NEGR1: variants seen among roughly 807,000 people sequenced by gnomAD.
NEGR1 encodes the protein neuronal growth regulator 1.
In NEGR1, 10 loss-of-function variants were observed where a neutral mutation model predicts 40.9. That is an observed-to-expected ratio of 0.24 (90% CI 0.15 to 0.42). NEGR1 has a LOEUF of 0.42. Ranked by LOEUF, NEGR1 falls within the 10% of genes least tolerant of loss-of-function variation. The pLI is 1.00. For missense variants in NEGR1, 352 were observed against 438.9 expected (o/e 0.80, Z 1.77); for synonymous variants, 185 against 166.8 (o/e 1.11, Z -0.84).
intron 1 of NEGR1, among the ~76,000 whole-genome samples, chr1:71,942,554 T>C (rs1338064092): frequency 9.6e-6 from 1 of 103,970 alleles, no homozygotes; most frequent in East Asian, 3.3e-4. Flanking sequence ...CAGGCTGGAG[T>C]GCAGTGGCGG....
At chr1:71,660,349 G>A (rs1652015330) in intron 4 of NEGR1, among the ~76,000 whole-genome samples, 1 of 151,600 alleles carries the variant, frequency 6.6e-6, no homozygotes, top group Non-Finnish European at 1.5e-5. Context: ...AGAGAAGGGA[G>A]AAAAGCAGAA....
chr1:71,952,014 A>C (rs926843457), intron 1 of NEGR1, among the ~76,000 whole-genome samples: 1 of 151,822 alleles, frequency 6.6e-6, no homozygotes, highest in Admixed American at 6.6e-5. Context: ...GTCATTCCCC[A>C]TCTCTTTCTC....
chr1:71,476,124 T>C (rs1388153618), intron 6 of NEGR1, among the ~76,000 whole-genome samples: 1 of 152,074 alleles, frequency 6.6e-6, no homozygotes, highest in Non-Finnish European at 1.5e-5. Context: ...GTGTCATTTT[T>C]TAAAAATAAA....
At chr1:72,101,765 C>T (rs867539669) in intron 1 of NEGR1, among the ~76,000 whole-genome samples, 2 of 152,078 alleles carry the variant, frequency 1.3e-5, no homozygotes, top group Admixed American at 6.6e-5. Context: ...ACTGCTTACT[C>T]TAGGGCCATT....
At chr1:71,456,756 G>T (rs1228893282) in intron 6 of NEGR1, among the ~76,000 whole-genome samples, 3 of 152,158 alleles carry the variant, frequency 2.0e-5, no homozygotes, top group Non-Finnish European at 4.4e-5. Flanking sequence ...CAATGGACAT[G>T]TTTTTACAAT....
intron 3 of NEGR1, among the ~76,000 whole-genome samples, chr1:71,738,751 C>T (rs762362011): frequency 5.9e-5 from 9 of 152,012 alleles, no homozygotes; most frequent in African/African-American, 9.7e-5. Context: ...ACCTTTGGTT[C>T]GAGCACTGAT....
chr1:72,239,831 A>T (rs1654676850), intron 1 of NEGR1, among the ~76,000 whole-genome samples: 2 of 151,878 alleles, frequency 1.3e-5, no homozygotes. Flanking sequence ...TAAATACTGT[A>T]TTAAAAGAAT....
intron 1 of NEGR1, among the ~76,000 whole-genome samples, chr1:72,092,608 G>T (rs932539575): frequency 8.9e-4 from 135 of 152,224 alleles, no homozygotes; most frequent in African/African-American, 3.2e-3. Context: ...TTAGAGATGA[G>T]CTGTTCTTCA....
At chr1:72,120,833 A>G (rs2100290204) in intron 1 of NEGR1, among the ~76,000 whole-genome samples, 1 of 152,138 alleles carries the variant, frequency 6.6e-6, no homozygotes, top group Non-Finnish European at 1.5e-5. Context: ...ATGGTTTGCA[A>G]TTTTTAGTGA....
At chr1:71,584,101 A>C (rs1269945546) in intron 6 of NEGR1, among the ~76,000 whole-genome samples, 4 of 152,176 alleles carry the variant, frequency 2.6e-5, no homozygotes, top group Non-Finnish European at 5.9e-5. Context: ...GTTTATTCAA[A>C]TCTTGTCTAA....
At chr1:71,775,453 C>A (rs1201794110) in intron 3 of NEGR1, among the ~76,000 whole-genome samples, 15 of 150,408 alleles carry the variant, frequency 1.0e-4, no homozygotes, top group Non-Finnish European at 1.3e-4. Flanking sequence ...TCAAATGATT[C>A]TCCTGCCTCA....
chr1:72,094,574 G>C (rs971714650), intron 1 of NEGR1, among the ~76,000 whole-genome samples: 1 of 152,168 alleles, frequency 6.6e-6, no homozygotes, highest in African/African-American at 2.4e-5. Flanking sequence ...CCAATTCAGA[G>C]AGACTGGTGA....
intron 6 of NEGR1, among the ~76,000 whole-genome samples, chr1:71,563,646 T>C (rs1226677183): frequency 6.6e-6 from 1 of 151,956 alleles, no homozygotes. Flanking sequence ...AAGAGAAAGA[T>C]TTTTTTGTCG....
chr1:72,136,257 TA>T (rs1650459801), intron 1 of NEGR1, among the ~76,000 whole-genome samples: 3 of 152,198 alleles, frequency 2.0e-5, no homozygotes, highest in Non-Finnish European at 2.9e-5. Context: ...AGATGTCCAA[TA>T]AGTGAAAAGA....
At chr1:72,038,171 CTTTAAATAAGTCTG>C (rs943215217) in intron 1 of NEGR1, among the ~76,000 whole-genome samples, 3 of 152,026 alleles carry the variant, frequency 2.0e-5, no homozygotes, top group African/African-American at 7.2e-5. Context: ...TTAGAAAAAT[CTTTAAATAAGTCTG>C]TTATATCCAT....
At chr1:71,642,797 T>C (rs1424335029) in intron 4 of NEGR1, among the ~76,000 whole-genome samples, 1 of 151,996 alleles carries the variant, frequency 6.6e-6, no homozygotes, top group Non-Finnish European at 1.5e-5. Flanking sequence ...ATCTTGGCAA[T>C]TTATAAATAT....
intron 3 of NEGR1, among the ~76,000 whole-genome samples, chr1:71,717,464 C>T (rs10889930): frequency 0.32 from 47,950 of 151,996 alleles, 8,782 homozygotes; most frequent in East Asian, 0.57. Context: ...AGCCCAGTGC[C>T]TATATAGATC....
At chr1:71,427,860 G>A (rs1309664081) in intron 6 of NEGR1, among the ~76,000 whole-genome samples, 1 of 152,162 alleles carries the variant, frequency 6.6e-6, no homozygotes, top group African/African-American at 2.4e-5. Context: ...GAAAGGCAGT[G>A]AATGCTGAAC....
intron 3 of NEGR1, among the ~76,000 whole-genome samples, chr1:71,715,480 T>C (rs1393141461): frequency 1.3e-5 from 2 of 152,244 alleles, no homozygotes; most frequent in African/African-American, 4.8e-5. Flanking sequence ...CAAACTTTTA[T>C]GCTCTGCTTC....
Sources: allele counts gnomAD v4.1 joint callset (sites outside exome capture counted in the v4.1 genomes callset), GRCh38; gene constraint gnomAD v4.1.1; transcripts MANE v1.5; gene names NCBI Gene and HGNC (gene_info 2026-07-23, HGNC 2026-07-21).